SCGN: variants seen among roughly 807,000 people sequenced by gnomAD.
SCGN encodes the protein secretagogin.
A neutral mutation model predicts 39.7 loss-of-function variants in SCGN; 30 were observed. The observed-to-expected ratio is 0.76, with a 90% CI of 0.57 to 1.03. The LOEUF (loss-of-function observed/expected upper bound fraction) is 1.03, where lower values mean the gene tolerates loss of function less well. SCGN is among the 50% of genes least tolerant of loss of function. SCGN has a pLI of 0.00. For missense variants in SCGN, 353 were observed against 349.4 expected (o/e 1.01, Z -0.08); for synonymous variants, 106 against 114.1 (o/e 0.93, Z 0.45).
chr6:25,671,250 G>A (rs1287080003), intron 6 of SCGN, among the ~76,000 whole-genome samples: 1 of 152,184 alleles, frequency 6.6e-6, no homozygotes, highest in African/African-American at 2.4e-5. Context: ...CTTAGAAAGG[G>A]TAAGTGACTA....
intron 4 of SCGN, among the ~76,000 whole-genome samples, chr6:25,665,836 A>AT (rs10713750): frequency 2.0e-5 from 3 of 151,944 alleles, no homozygotes; most frequent in South Asian, 2.1e-4. Flanking sequence ...TAAGAAAATG[A>AT]TTTTTTTTTA....
At chr6:25,670,190 T>A (rs547130409) in intron 6 of SCGN, 114 bp downstream of exon 6, 2 of 774,768 alleles carry the variant, frequency 2.6e-6, no homozygotes, top group African/African-American at 3.4e-5. Context: ...ACTAAATGAA[T>A]GCAAGAGGAA....
chr6:25,700,320 C>T (rs1759894716), intron 10 of SCGN, among the ~76,000 whole-genome samples: 1 of 151,162 alleles, frequency 6.6e-6, no homozygotes, highest in Non-Finnish European at 1.5e-5. Flanking sequence ...TTGATTTTGA[C>T]GTTTATTCAC....
At chr6:25,690,927 G>A in intron 9 of SCGN, 129 bp from the exon 10 acceptor site, 1 of 638,914 alleles carries the variant, frequency 1.6e-6, no homozygotes, top group Non-Finnish European at 2.8e-6. Context: ...AACATAAATT[G>A]GAACATGCCA....
At position 25,689,548 on chromosome 6, in the gene SCGN, TATACTGTGCTGGCCATCTCTGAGTAGG is replaced by T; in HGVS notation, c.633+18_633+44del. 1 of 1,610,024 alleles carries T rather than the reference TATACTGTGCTGGCCATCTCTGAGTAGG, an allele frequency of 6.2e-7. No homozygotes were observed. The highest frequency in any genetic ancestry group is 8.5e-7 in the Non-Finnish European group (1 of 1,176,392). On this transcript the variant is annotated intron_variant, in intron 9 of 10. Transcript: ENST00000377961. ...CTATGATGTTGTAAGTGTGCGTCTTTATACTGTGCTGGCCATCTCTGAGTAGGAAACTTATTTAACCCCTATGTGGAG... is the reference window on the plus strand; with the variant it reads ...CTATGATGTTGTAAGTGTGCGTCTTTAAACTTATTTAACCCCTATGTGGAG...
intron 3 of SCGN, among the ~76,000 whole-genome samples, chr6:25,663,401 C>T (rs900871266): frequency 1.3e-5 from 2 of 152,166 alleles, no homozygotes; most frequent in African/African-American, 4.8e-5. Context: ...AAACCTTAGG[C>T]AAGTTACTTA....
chr6:25,661,649 C>T lies in SCGN; in HGVS notation c.246+5C>T, dbSNP rs766160648. 1 of 1,591,696 alleles carries T rather than the reference C, an allele frequency of 6.3e-7. No individual in the cohort carries two copies. Among genetic ancestry groups the T allele is most frequent in the East Asian group, 2.2e-5 (1 of 44,728 alleles). Reference sequence around the variant, plus strand: ...GGTCGCATTCGGATGAAAGAGGTAACTTTACTGACAGTATTTTTCATGGCT... The same window carrying T: ...GGTCGCATTCGGATGAAAGAGGTAATTTTACTGACAGTATTTTTCATGGCT... On this transcript the variant is annotated splice_donor_5th_base_variant and intron_variant, in intron 3 of 10. Coordinates refer to ENST00000377961, the MANE Select transcript of SCGN (RefSeq NM_006998.4).
At chr6:25,682,821 G>A (rs1002661695) in intron 7 of SCGN, among the ~76,000 whole-genome samples, 2 of 152,182 alleles carry the variant, frequency 1.3e-5, no homozygotes, top group Non-Finnish European at 2.9e-5. Context: ...TTTTAATGAT[G>A]AGGAGGTAAC....
At chr6:25,662,698 T>A (rs537342176) in intron 3 of SCGN, among the ~76,000 whole-genome samples, 3 of 152,330 alleles carry the variant, frequency 2.0e-5, no homozygotes, top group Non-Finnish European at 4.4e-5. Flanking sequence ...ACTAATAAAC[T>A]AAACTCTAGA....
At position 25,691,669 on chromosome 6, in the gene SCGN, C is replaced by T. The variant is rs9461197; in HGVS notation, c.702+545C>T. Among the ~76,000 whole-genome samples the T allele has an allele frequency of 2.4e-3, 361 of 152,286 alleles. 2 individuals carry two copies. The highest frequency in any genetic ancestry group is 7.9e-3 in the African/African-American group (330 of 41,562). ...TAGACAAGGTTTAAAAAACCTTCTT[C>T]GAGGTCCTGTTGAACTGTATTGACC... On this transcript the variant is annotated intron_variant, in intron 10 of 10. Transcript: ENST00000377961.
At chr6:25,661,999 A>G (rs1760347392) in intron 3 of SCGN, among the ~76,000 whole-genome samples, 2 of 152,214 alleles carry the variant, frequency 1.3e-5, no homozygotes, top group African/African-American at 4.8e-5. Flanking sequence ...CATTGATATA[A>G]GGAAAAACTT....
At position 25,664,968 on chromosome 6, in the gene SCGN, A is replaced by G. The variant is rs1481547754; in HGVS notation, c.272A>G (p.Asp91Gly). ...KELAGMFLSE[D>G]ENFLLLFRRE... ...CTTGCTGGTATGTTCTTATCTGAGG[A>G]TGAAAACTTTCTTCTGCTCTTTCGC... Residue 91 changes from aspartate (D) to glycine (G), a missense_variant, in exon 4 of 11, where the codon GAT becomes GGT. Coordinates refer to ENST00000377961, the MANE Select transcript of SCGN (RefSeq NM_006998.4). The G allele has an allele frequency of 1.2e-6, 2 of 1,613,758 alleles. No individual in the cohort carries two copies. The highest frequency in any genetic ancestry group is 1.7e-6 in the Non-Finnish European group (2 of 1,179,880).
chr6:25,688,801 C>CAA (rs10626691), intron 7 of SCGN, among the ~76,000 whole-genome samples: 1,623 of 103,100 alleles, frequency 0.016, 43 homozygotes, highest in African/African-American at 0.052. Flanking sequence ...GATTCTGTCT[C>CAA]AAAAAAAAAA....
At chr6:25,659,897 C>T (rs1760306607) in intron 2 of SCGN, among the ~76,000 whole-genome samples, 1 of 151,946 alleles carries the variant, frequency 6.6e-6, no homozygotes, top group African/African-American at 2.4e-5. Context: ...AAGATGACAG[C>T]CTGATGGGAA....
chr6:25,658,232 G>A (rs1349018505), intron 2 of SCGN, among the ~76,000 whole-genome samples: 1 of 150,650 alleles, frequency 6.6e-6, no homozygotes. Context: ...ATGGAGACGG[G>A]GTTTCACCAT....
chr6:25,670,135 C>T, intron 6 of SCGN, 59 bp downstream of exon 6: 3 of 1,162,842 alleles, frequency 2.6e-6, no homozygotes, highest in Non-Finnish European at 3.9e-6. Context: ...TCCCCAGACC[C>T]CAGAAACAGT....
chr6:25,693,437 G>A (rs1017552775), intron 10 of SCGN, among the ~76,000 whole-genome samples: 9 of 124,812 alleles, frequency 7.2e-5, no homozygotes, highest in African/African-American at 2.9e-4. Context: ...GGGCAACAGA[G>A]CGAGACTCCG....
chr6:25,686,343 C>A (rs548902619), intron 7 of SCGN, among the ~76,000 whole-genome samples: 1 of 152,268 alleles, frequency 6.6e-6, no homozygotes, highest in South Asian at 2.1e-4. Flanking sequence ...AACAATGTAT[C>A]AGGATTTTAA....
intron 6 of SCGN, among the ~76,000 whole-genome samples, chr6:25,677,520 C>T (rs1759579525): frequency 1.3e-5 from 2 of 151,740 alleles, no homozygotes; most frequent in Non-Finnish European, 1.5e-5. Flanking sequence ...ATGAGGATCT[C>T]CTTTAAAGTT....
Sources: gnomAD v4.1 joint callset for allele counts (sites outside exome capture counted in the v4.1 genomes callset) on GRCh38, gnomAD v4.1.1 for gene constraint, MANE v1.5 for transcripts, NCBI Gene and HGNC (gene_info 2026-07-23, HGNC 2026-07-21) for gene names.